PRIM1: variants seen among roughly 807,000 people sequenced by gnomAD.
PRIM1 encodes the protein DNA primase subunit 1.
A neutral mutation model predicts 60.2 loss-of-function variants in PRIM1; 38 were observed. The observed-to-expected ratio is 0.63, with a 90% CI of 0.49 to 0.83. PRIM1 has a LOEUF of 0.83. PRIM1 is among the 40% of genes least tolerant of loss of function. The pLI is 0.00. For synonymous variants in PRIM1, 158 were observed against 160.2 expected (o/e 0.99, Z 0.10); for missense variants, 388 against 506.2 (o/e 0.77, Z 2.24).
chr12:56,738,933 A>C (rs1953853216), intron 10 of PRIM1, among the ~76,000 whole-genome samples: 2 of 152,208 alleles, frequency 1.3e-5, no homozygotes, highest in South Asian at 4.1e-4. Context: ...ATTTACTGTA[A>C]AAAAATTATG....
At chr12:56,732,492 C>T (rs1229949821) in intron 12 of PRIM1, among the ~76,000 whole-genome samples, 1 of 152,152 alleles carries the variant, frequency 6.6e-6, no homozygotes, top group Non-Finnish European at 1.5e-5. Flanking sequence ...CTGTCTTGCC[C>T]AGATTTATCT....
intron 9 of PRIM1, among the ~76,000 whole-genome samples, chr12:56,740,788 T>C (rs1322165733): frequency 6.6e-6 from 1 of 152,092 alleles, no homozygotes; most frequent in Non-Finnish European, 1.5e-5. Context: ...TTGTCAGTGC[T>C]AGGAGTAGAG....
chr12:56,738,281 C>A (rs1390564971), intron 11 of PRIM1, among the ~76,000 whole-genome samples, 153 bp downstream of exon 11: 1 of 152,182 alleles, frequency 6.6e-6, no homozygotes, highest in African/African-American at 2.4e-5. Flanking sequence ...ACCACTTGGG[C>A]TGCTGTTGAA....
intron 8 of PRIM1, 75 bp from the exon 9 acceptor site, chr12:56,741,651 C>A (rs1953872894): frequency 6.4e-7 from 1 of 1,573,144 alleles, no homozygotes; most frequent in African/African-American, 1.4e-5. Flanking sequence ...GTTAAAAAAA[C>A]GATCTTCAAC....
At chr12:56,748,410 G>A (rs567074100) in intron 2 of PRIM1, among the ~76,000 whole-genome samples, 6 of 151,832 alleles carry the variant, frequency 4.0e-5, no homozygotes, top group East Asian at 1.9e-4. Context: ...GGCAGATCAC[G>A]AGGTCAGGAG....
At chr12:56,750,119 G>C (rs1012575393) in intron 2 of PRIM1, among the ~76,000 whole-genome samples, 1 of 152,196 alleles carries the variant, frequency 6.6e-6, no homozygotes, top group Non-Finnish European at 1.5e-5. Flanking sequence ...GAATGAATGA[G>C]GGGGAGAGAA....
chr12:56,744,367 C>A (rs1043401073), intron 5 of PRIM1, among the ~76,000 whole-genome samples: 5 of 151,990 alleles, frequency 3.3e-5, no homozygotes, highest in Admixed American at 3.3e-4. Flanking sequence ...GTGGCGCATG[C>A]CTGTAATCCT....
chr12:56,752,108 A>C, intron 1 of PRIM1, 88 bp downstream of exon 1: 1 of 940,338 alleles, frequency 1.1e-6, no homozygotes, highest in African/African-American at 1.7e-5. Context: ...CCTGGTGCAC[A>C]GAAGGCGCTT....
chr12:56,750,064 G>A (rs1367733576), intron 2 of PRIM1, among the ~76,000 whole-genome samples: 1 of 152,146 alleles, frequency 6.6e-6, no homozygotes, highest in Non-Finnish European at 1.5e-5. Flanking sequence ...TATAGAAATG[G>A]GTTTTAGGCA....
chr12:56,748,435 G>C (rs1953923243), intron 2 of PRIM1, among the ~76,000 whole-genome samples: 1 of 151,920 alleles, frequency 6.6e-6, no homozygotes, highest in Non-Finnish European at 1.5e-5. Flanking sequence ...AGACCAACCT[G>C]GCTAACATGG....
At chr12:56,745,429 A>C (rs1029046550) in intron 5 of PRIM1, among the ~76,000 whole-genome samples, 1 of 151,886 alleles carries the variant, frequency 6.6e-6, no homozygotes, top group Non-Finnish European at 1.5e-5. Context: ...ACAAAACAAA[A>C]CAAAAAAAAC....
intron 5 of PRIM1, 104 bp downstream of exon 5, chr12:56,745,938 CAAA>C (rs11331084): frequency 5.4e-3 from 4,971 of 925,942 alleles, no homozygotes; most frequent in South Asian, 0.01. Context: ...GAGTCCATCT[CAAA>C]AAAAAAAAAA....
intron 9 of PRIM1, among the ~76,000 whole-genome samples, chr12:56,740,490 C>T (rs573540992): frequency 6.6e-6 from 1 of 152,138 alleles, no homozygotes; most frequent in African/African-American, 2.4e-5. Flanking sequence ...TCAAAAGTGA[C>T]GTAATGAGGC....
chr12:56,738,834 G>A (rs1386873632), intron 10 of PRIM1, among the ~76,000 whole-genome samples: 1 of 152,188 alleles, frequency 6.6e-6, no homozygotes, highest in Non-Finnish European at 1.5e-5. Flanking sequence ...ACAGGCATGA[G>A]CCACCGCGCC....
intron 11 of PRIM1, among the ~76,000 whole-genome samples, chr12:56,734,814 CTTT>C (rs568265117): frequency 1.6e-5 from 2 of 127,098 alleles, no homozygotes; most frequent in Non-Finnish European, 3.3e-5. Context: ...CATATATTTT[CTTT>C]TTTTTTTTTT....
At chr12:56,741,916 G>T (rs1178084186) in intron 7 of PRIM1, 79 bp from the exon 8 acceptor site, 1 of 1,227,258 alleles carries the variant, frequency 8.1e-7, no homozygotes, top group Non-Finnish European at 1.2e-6. Context: ...TACCACAAGG[G>T]TGTCTTACAA....
At chr12:56,740,607 C>G (rs1953865282) in intron 9 of PRIM1, among the ~76,000 whole-genome samples, 1 of 151,948 alleles carries the variant, frequency 6.6e-6, no homozygotes, top group African/African-American at 2.4e-5. Context: ...TGGCAAAACC[C>G]TGTCTACAAA....
intron 11 of PRIM1, among the ~76,000 whole-genome samples, chr12:56,737,023 T>G (rs1166526530): frequency 6.6e-6 from 1 of 151,308 alleles, no homozygotes; most frequent in Non-Finnish European, 1.5e-5. Flanking sequence ...TAGGCTCCTC[T>G]TGCCTCGGCC....
chr12:56,740,705 C>T (rs56341879), intron 9 of PRIM1, among the ~76,000 whole-genome samples: 3 of 152,074 alleles, frequency 2.0e-5, no homozygotes, highest in South Asian at 2.1e-4. Context: ...ATCGGTGAGC[C>T]GAGATTGCAC....
Sources: allele counts gnomAD v4.1 joint callset (sites outside exome capture counted in the v4.1 genomes callset), GRCh38; gene constraint gnomAD v4.1.1; transcripts MANE v1.5; gene names NCBI Gene and HGNC (gene_info 2026-07-23, HGNC 2026-07-21).